The following CDC42BPA variants were observed in gnomAD, a reference collection of about 807,000 sequenced individuals.
CDC42BPA encodes the protein CDC42 binding protein kinase alpha, also known as serine/threonine-protein kinase MRCK alpha.
A neutral mutation model predicts 223.5 loss-of-function variants in CDC42BPA; 80 were observed. The observed-to-expected ratio is 0.36, with a 90% CI of 0.30 to 0.43. The LOEUF is 0.43. Among genes scored for constraint, CDC42BPA ranks in the 20% least tolerant of loss-of-function variants. CDC42BPA has a pLI of 1.00. For missense variants in CDC42BPA, 1,743 were observed against 2,099.9 expected (o/e 0.83, Z 3.32); for synonymous variants, 694 against 718.6 (o/e 0.97, Z 0.55).
At chr1:227,132,971 C>T (rs995324114) in intron 10 of CDC42BPA, among the ~76,000 whole-genome samples, 1 of 151,592 alleles carries the variant, frequency 6.6e-6, no homozygotes, top group Non-Finnish European at 1.5e-5. Context: ...GCCCCGCCGT[C>T]CGGCAGCCAC....
At chr1:227,109,261 A>G (rs1686483626) in intron 14 of CDC42BPA, among the ~76,000 whole-genome samples, 1 of 152,206 alleles carries the variant, frequency 6.6e-6, no homozygotes, top group Non-Finnish European at 1.5e-5. Context: ...TTATCCAATA[A>G]AAAACTTGGC....
At position 227,160,557 on chromosome 1, in the gene CDC42BPA, T is replaced by TCA; in HGVS notation, c.677_678dup (p.Met227Ter). ...TCTTTATTTACCGTTCCATCTTCCA[T>TCA]CAGCTTCAGACAAGAACCAAAATCT... On this transcript the variant is annotated frameshift_variant, in exon 6 of 37. Transcript: ENST00000366766. LOFTEE classifies it high-confidence loss of function. The TCA allele has an allele frequency of 6.3e-7, 1 of 1,592,600 alleles. No homozygotes were observed. The highest frequency in any genetic ancestry group is 8.6e-7 in the Non-Finnish European group (1 of 1,160,572).
intron 2 of CDC42BPA, 38 bp from the exon 3 acceptor site, chr1:227,213,257 G>T: frequency 9.1e-7 from 1 of 1,102,504 alleles, no homozygotes; most frequent in South Asian, 1.5e-5. Context: ...TTAAAATAAT[G>T]ACAAATAATT....
At chr1:227,132,724 A>G (rs1295985768) in intron 10 of CDC42BPA, among the ~76,000 whole-genome samples, 2 of 150,968 alleles carry the variant, frequency 1.3e-5, no homozygotes, top group African/African-American at 2.4e-5. Flanking sequence ...CTAGGAAGTG[A>G]GGAGCGTCTC....
At chr1:227,205,319 C>G (rs1050775074) in intron 3 of CDC42BPA, among the ~76,000 whole-genome samples, 3 of 120,416 alleles carry the variant, frequency 2.5e-5, no homozygotes, top group East Asian at 3.9e-4. Flanking sequence ...CACACACACA[C>G]AGAGAGCCAT....
intron 1 of CDC42BPA, among the ~76,000 whole-genome samples, chr1:227,303,946 G>A (rs61834323): frequency 0.12 from 17,602 of 152,220 alleles, 1,229 homozygotes; most frequent in South Asian, 0.18. Flanking sequence ...GTTAAATGCA[G>A]AGTTAATCTA....
At chr1:227,206,451 T>C (rs1469549977) in intron 3 of CDC42BPA, among the ~76,000 whole-genome samples, 1 of 152,154 alleles carries the variant, frequency 6.6e-6, no homozygotes, top group Non-Finnish European at 1.5e-5. Flanking sequence ...ATATTTGACA[T>C]ATGGCTTGAA....
At chr1:227,284,110 A>G (rs1233756836) in intron 1 of CDC42BPA, among the ~76,000 whole-genome samples, 2 of 152,188 alleles carry the variant, frequency 1.3e-5, no homozygotes, top group Non-Finnish European at 2.9e-5. Context: ...TTAAATAACT[A>G]ATGAATAAAC....
chr1:227,291,247 A>G (rs921710662), intron 1 of CDC42BPA, among the ~76,000 whole-genome samples: 5 of 152,062 alleles, frequency 3.3e-5, no homozygotes, highest in Admixed American at 3.3e-4. Flanking sequence ...GAGGGAAAAC[A>G]GTGTTAAAAA....
chr1:227,166,312 T>C (rs1426179951), intron 5 of CDC42BPA, among the ~76,000 whole-genome samples: 1 of 152,176 alleles, frequency 6.6e-6, no homozygotes, highest in African/African-American at 2.4e-5. Flanking sequence ...AGTCATCTGT[T>C]GTGTTTGAAA....
Position 227,317,143 on chromosome 1 carries a change from T to A in CDC42BPA, c.40A>T (p.Ile14Phe). The change falls in exon 1 of 37, where the codon ATT becomes TTT. Residue 14 changes from isoleucine (I) to phenylalanine (F), a missense_variant. This residue lies in a region of CDC42BPA where 321 missense variants were observed against 488.7 expected (regional missense o/e 0.66). Coordinates refer to ENST00000366766, the MANE Select transcript of CDC42BPA (RefSeq NM_001394014.1). Reference sequence around the variant, plus strand: ...TTGGTCTGAGCGGGCCCGTCCAAAATAAACTGCTCCAACTGCCTCAAACGC... The same window carrying A: ...TTGGTCTGAGCGGGCCCGTCCAAAAAAAACTGCTCCAACTGCCTCAAACGC... ...EVRLRQLEQF[I>F]LDGPAQTNGQ... The A allele has an allele frequency of 1.2e-6, 2 of 1,613,830 alleles. No homozygotes were observed. The highest frequency in any genetic ancestry group is 1.7e-6 in the Non-Finnish European group (2 of 1,179,948).
intron 34 of CDC42BPA, among the ~76,000 whole-genome samples, chr1:227,005,850 T>C (rs960708558): frequency 6.6e-6 from 1 of 152,174 alleles, no homozygotes; most frequent in East Asian, 1.9e-4. Context: ...GGTAGGAAAA[T>C]AGGCCACAGA....
At position 227,025,342 on chromosome 1, in the gene CDC42BPA, G is replaced by C. The variant is rs188514709; in HGVS notation, c.4530+713C>G. Among the ~76,000 whole-genome samples the C allele has an allele frequency of 6.0e-3, 915 of 152,282 alleles. 10 individuals are homozygous for C. Among genetic ancestry groups the C allele is most frequent in the African/African-American group, 0.021 (861 of 41,560 alleles). On this transcript the variant is annotated intron_variant, in intron 31 of 36. Coordinates refer to ENST00000366766, the MANE Select transcript of CDC42BPA (RefSeq NM_001394014.1). ...TTTAGTTGCTTTAGATAATCTGGCAGTATTTACAAGAGCTTTTTAAACTGC... is the reference window on the plus strand; with the variant it reads ...TTTAGTTGCTTTAGATAATCTGGCACTATTTACAAGAGCTTTTTAAACTGC...
At chr1:227,065,126 T>TAAATAAATAAATA (rs1558414073) in intron 21 of CDC42BPA, among the ~76,000 whole-genome samples, 11 of 117,246 alleles carry the variant, frequency 9.4e-5, no homozygotes, top group Admixed American at 3.3e-4. Context: ...ATAAATAAAT[T>TAAATAAATAAATA]AACTCAAACC....
chr1:227,007,371 T>C (rs1449964781), intron 34 of CDC42BPA, among the ~76,000 whole-genome samples: 1 of 152,238 alleles, frequency 6.6e-6, no homozygotes, highest in African/African-American at 2.4e-5. Context: ...CAGTGCTAAC[T>C]AGTTCATTAA....
At chr1:227,253,091 A>T (rs967226737) in intron 2 of CDC42BPA, among the ~76,000 whole-genome samples, 6 of 152,164 alleles carry the variant, frequency 3.9e-5, no homozygotes, top group Admixed American at 1.3e-4. Context: ...ACGTCTATGG[A>T]TTAGGTGACT....
chr1:227,014,225 G>A (rs188171913), intron 34 of CDC42BPA, among the ~76,000 whole-genome samples: 12 of 151,988 alleles, frequency 7.9e-5, no homozygotes, highest in East Asian at 7.7e-4. Context: ...AAGTATAATA[G>A]TTTTAATATT....
intron 2 of CDC42BPA, among the ~76,000 whole-genome samples, chr1:227,232,115 G>C (rs990740087): frequency 6.6e-6 from 1 of 152,064 alleles, no homozygotes; most frequent in South Asian, 2.1e-4. Flanking sequence ...TATGGTTTTA[G>C]GTCTAAAATT....
At chr1:227,220,313 C>CATATATATATATAT (rs1188536931) in intron 2 of CDC42BPA, among the ~76,000 whole-genome samples, 1 of 53,314 alleles carries the variant, frequency 1.9e-5, no homozygotes, top group Non-Finnish European at 3.5e-5. Flanking sequence ...TATATATATA[C>CATATATATATATAT]ACACACACAC....
Sources: allele counts gnomAD v4.1 joint callset (sites outside exome capture counted in the v4.1 genomes callset), GRCh38; gene constraint gnomAD v4.1.1; regional missense constraint gnomAD v4.1.1; transcripts MANE v1.5; gene names NCBI Gene and HGNC (gene_info 2026-07-23, HGNC 2026-07-21).